The following SLC35F4 variants were observed in gnomAD, a reference collection of about 807,000 sequenced individuals.
SLC35F4 encodes chromosome 14 open reading frame 36.
Under a neutral mutation model 44.2 loss-of-function variants are expected in SLC35F4, and 24 were observed. The observed-to-expected ratio is 0.54, with a 90% confidence interval of 0.39 to 0.76. The LOEUF (loss-of-function observed/expected upper bound fraction) is 0.76. Ranked by LOEUF, SLC35F4 falls within the 30% of genes least tolerant of loss-of-function variation. The probability of loss-of-function intolerance (pLI) is 0.00; values close to 1 mark genes in which losing one functional copy is unlikely to be tolerated. For missense variants in SLC35F4, 562 were observed against 586.1 expected, an observed-to-expected ratio of 0.96 and a Z score of 0.42; for synonymous variants, 238 against 223.6, an observed-to-expected ratio of 1.06 and a Z score of -0.57.
At chr14:57,960,656 CTTTA>C (rs1890320696) in intron 1 of SLC35F4, among the ~76,000 whole-genome samples, 1 of 152,130 alleles carries the variant, frequency 6.6e-6, no homozygotes, top group Non-Finnish European at 1.5e-5. Flanking sequence ...GGGGAAGTAA[CTTTA>C]TTTATGTTGA....
intron 1 of SLC35F4, among the ~76,000 whole-genome samples, chr14:57,912,703 T>C (rs948962514): frequency 6.6e-6 from 1 of 152,044 alleles, no homozygotes; most frequent in East Asian, 1.9e-4. Context: ...CTTATCTTCA[T>C]GAATATTCCA....
intron 1 of SLC35F4, among the ~76,000 whole-genome samples, chr14:57,650,390 CA>C (rs1225357798): frequency 1.1e-4 from 17 of 152,216 alleles, no homozygotes; most frequent in South Asian, 8.3e-4. Context: ...CAGACATTTA[CA>C]TCTCAACAAA....
chr14:57,915,582 C>T (rs1424253332), intron 1 of SLC35F4, among the ~76,000 whole-genome samples: 5 of 152,276 alleles, frequency 3.3e-5, no homozygotes, highest in African/African-American at 9.6e-5. Context: ...GACTTCCACC[C>T]GATATACTAT....
chr14:57,893,340 A>G (rs1287630931), intron 1 of SLC35F4, among the ~76,000 whole-genome samples: 2 of 152,194 alleles, frequency 1.3e-5, no homozygotes, highest in Admixed American at 6.5e-5. Context: ...CAGGCATTAC[A>G]TACATTGTCT....
At chr14:57,845,127 T>C (rs1413679236) in intron 1 of SLC35F4, among the ~76,000 whole-genome samples, 4 of 152,198 alleles carry the variant, frequency 2.6e-5, no homozygotes, top group African/African-American at 9.6e-5. Flanking sequence ...AAAGTGAAAG[T>C]TTATTACCAT....
At chr14:57,860,298 T>C (rs538458767) in intron 1 of SLC35F4, among the ~76,000 whole-genome samples, 2 of 152,076 alleles carry the variant, frequency 1.3e-5, no homozygotes, top group African/African-American at 4.8e-5. Flanking sequence ...TAATGGAGTA[T>C]AGAAAAAACA....
At chr14:57,941,706 AT>A (rs1889919197) in intron 1 of SLC35F4, among the ~76,000 whole-genome samples, 1 of 152,118 alleles carries the variant, frequency 6.6e-6, no homozygotes. Flanking sequence ...TTTCAGCTCA[AT>A]TTAAAAAAAA....
intron 1 of SLC35F4, among the ~76,000 whole-genome samples, chr14:57,938,256 G>A (rs1198208999): frequency 6.6e-6 from 1 of 152,052 alleles, no homozygotes; most frequent in African/African-American, 2.4e-5. Flanking sequence ...CAGGCAGCAA[G>A]GAGACTCTCA....
chr14:57,910,138 T>A (rs138158730), intron 1 of SLC35F4, among the ~76,000 whole-genome samples: 79 of 152,248 alleles, frequency 5.2e-4, no homozygotes, highest in Admixed American at 2.6e-3. Context: ...CTATTTTTTT[T>A]ATCAGATTCT....
At chr14:57,609,149 G>T (rs1165887489) in intron 1 of SLC35F4, among the ~76,000 whole-genome samples, 2 of 152,170 alleles carry the variant, frequency 1.3e-5, no homozygotes, top group African/African-American at 4.8e-5. Context: ...TATGCAGATG[G>T]ATGCATGGAT....
intron 1 of SLC35F4, among the ~76,000 whole-genome samples, chr14:57,602,040 T>C (rs1225279552): frequency 3.3e-5 from 5 of 152,134 alleles, no homozygotes; most frequent in African/African-American, 1.2e-4. Context: ...AAGGTTACAA[T>C]CTTGCTGGGA....
chr14:57,875,035 A>C (rs1595261186), intron 1 of SLC35F4, among the ~76,000 whole-genome samples: 2 of 152,172 alleles, frequency 1.3e-5, no homozygotes, highest in East Asian at 3.8e-4. Context: ...GAGTAAATGG[A>C]TGGAATTATA....
intron 1 of SLC35F4, among the ~76,000 whole-genome samples, chr14:57,685,215 C>T (rs550902543): frequency 6.6e-6 from 1 of 152,092 alleles, no homozygotes; most frequent in Non-Finnish European, 1.5e-5. Flanking sequence ...ACCTTTAGGC[C>T]TCCCACTTCT....
intron 2 of SLC35F4, among the ~76,000 whole-genome samples, chr14:57,593,062 A>C (rs939040813): frequency 6.6e-6 from 1 of 152,246 alleles, no homozygotes; most frequent in Non-Finnish European, 1.5e-5. Context: ...AGACAATCAT[A>C]CCACAAGTCA....
chr14:57,571,820 C>T (rs757901765), intron 5 of SLC35F4, 74 bp downstream of exon 5: 43 of 1,513,418 alleles, frequency 2.8e-5, no homozygotes, highest in Middle Eastern at 1.7e-4. Flanking sequence ...ATGATTACAT[C>T]GTACTTTCTT....
intron 1 of SLC35F4, among the ~76,000 whole-genome samples, chr14:57,726,227 A>G (rs1019681079): frequency 1.3e-5 from 2 of 152,154 alleles, no homozygotes; most frequent in Non-Finnish European, 2.9e-5. Flanking sequence ...TCAATGGGAA[A>G]CTATAATAGC....
intron 1 of SLC35F4, among the ~76,000 whole-genome samples, chr14:57,641,678 A>C (rs2140162465): frequency 6.6e-6 from 1 of 152,172 alleles, no homozygotes; most frequent in African/African-American, 2.4e-5. Flanking sequence ...GATTTAATTT[A>C]GAGTAAAAGG....
chr14:57,804,582 A>T (rs1291953459), intron 1 of SLC35F4, among the ~76,000 whole-genome samples: 1 of 152,224 alleles, frequency 6.6e-6, no homozygotes, highest in African/African-American at 2.4e-5. Flanking sequence ...GAAAATTGAA[A>T]CTGGACCCTT....
At chr14:57,961,007 C>T (rs375284437) in intron 1 of SLC35F4, among the ~76,000 whole-genome samples, 5 of 152,212 alleles carry the variant, frequency 3.3e-5, no homozygotes, top group African/African-American at 9.6e-5. Context: ...TCAGAGGGGC[C>T]GGAGCACACG....
Sources: gnomAD v4.1 joint callset for allele counts (sites outside exome capture counted in the v4.1 genomes callset) on GRCh38, gnomAD v4.1.1 for gene constraint, MANE v1.5 for transcripts, NCBI Gene and HGNC (gene_info 2026-07-23, HGNC 2026-07-21) for gene names.